METAP2: variants seen among roughly 807,000 people sequenced by gnomAD.
The protein encoded by METAP2 is methionine aminopeptidase 2.
In METAP2, 25 loss-of-function variants were observed where a neutral mutation model predicts 59.4. The observed-to-expected ratio is 0.42, with a 90% confidence interval of 0.31 to 0.59. The LOEUF is 0.59. METAP2 is among the 20% of genes least tolerant of loss of function. METAP2 has a pLI of 0.16. For synonymous variants in METAP2, 214 were observed against 194.1 expected (o/e 1.10, Z -0.85); for missense variants, 366 against 581.2 (o/e 0.63, Z 3.81).
chr12:95,494,942 G>C lies in METAP2; in HGVS notation c.591-15G>C, dbSNP rs1466103538. On this transcript the variant is annotated splice_polypyrimidine_tract_variant and intron_variant, in intron 5 of 10. Transcript: ENST00000323666. The stretch of plus-strand genomic sequence containing the variant: ...ATGTAAAAGTAAACAAGTTCCCTTT[G>C]CTTTTTTGTTTTAGTGAAAAGTTGG... The C allele has an allele frequency of 6.2e-7, 1 of 1,602,316 alleles. No individual in the cohort carries two copies. The highest frequency in any genetic ancestry group is 2.2e-5 in the East Asian group (1 of 44,758).
chr12:95,485,892 A>G lies in METAP2; in HGVS notation c.339A>G (p.Thr113=). The G allele has an allele frequency of 6.4e-7, 1 of 1,565,320 alleles. No homozygotes were observed. The highest frequency in any genetic ancestry group is 1.4e-5 in the African/African-American group (1 of 72,162). Reference sequence around the variant, plus strand: ...TGTATCTCACAGCAAAAGTTCAAACAGACCCTCCCTCAGTTCCAATATGTG... The same window carrying G: ...TGTATCTCACAGCAAAAGTTCAAACGGACCCTCCCTCAGTTCCAATATGTG... ...KKKKRGPKVQ[T]DPPSVPICDL... is the part of the protein sequence containing the mutation. Residue 113 remains threonine, a synonymous_variant, in exon 4 of 11, where the codon ACA becomes ACG. Transcript: ENST00000323666.
chr12:95,483,243 T>C lies in METAP2; in HGVS notation c.288T>C (p.Thr96=), dbSNP rs776986981. The change falls in exon 3 of 11, where the codon ACT becomes ACC. Residue 96 remains threonine, a synonymous_variant. Coordinates refer to ENST00000323666, the MANE Select transcript of METAP2 (RefSeq NM_006838.4). ...EDGDGDGDGA[T]GKKKKKKKKK... is the part of the protein sequence containing the mutation. ...GAGATGGCGATGGAGATGGAGCAACTGGAAAGAAGAAGAAAAAGAAGAAGA... is the reference window on the plus strand; with the variant it reads ...GAGATGGCGATGGAGATGGAGCAACCGGAAAGAAGAAGAAAAAGAAGAAGA... The C allele has an allele frequency of 1.9e-6, 3 of 1,613,014 alleles. No homozygotes were observed. Among genetic ancestry groups the C allele is most frequent in the Non-Finnish European group, 2.5e-6 (3 of 1,179,072 alleles).
At position 95,495,120 on chromosome 12, in the gene METAP2, T is replaced by C; in HGVS notation, c.754T>C (p.Phe252Leu). Residue 252 changes from phenylalanine to leucine, a missense_variant, in exon 6 of 11, where the codon TTT becomes CTT. Transcript: ENST00000323666. ...LQYDDICKID[F>L]GTHISGRIID... is the part of the protein sequence containing the mutation. ...GTATGATGACATCTGTAAAATAGACTTTGGAACACATATAAGTGGTAAATT... is the reference window on the plus strand; with the variant it reads ...GTATGATGACATCTGTAAAATAGACCTTGGAACACATATAAGTGGTAAATT... The C allele has an allele frequency of 6.2e-7, 1 of 1,611,960 alleles. No homozygotes were observed. The highest frequency in any genetic ancestry group is 8.5e-7 in the Non-Finnish European group (1 of 1,178,714).
intron 2 of METAP2, among the ~76,000 whole-genome samples, chr12:95,478,649 TAAAG>T (rs748826491): frequency 6.6e-6 from 1 of 151,516 alleles, no homozygotes; most frequent in Non-Finnish European, 1.5e-5. Context: ...TAAGAAAAAA[TAAAG>T]AAAACTAAGG....
chr12:95,478,128 C>G (rs1201081334), intron 2 of METAP2, among the ~76,000 whole-genome samples: 1 of 151,880 alleles, frequency 6.6e-6, no homozygotes, highest in Non-Finnish European at 1.5e-5. Context: ...CCCCCACCCC[C>G]CAAAAAAAAT....
At chr12:95,510,895 T>C (rs1430214801) in intron 8 of METAP2, among the ~76,000 whole-genome samples, 2 of 152,234 alleles carry the variant, frequency 1.3e-5, no homozygotes, top group Non-Finnish European at 2.9e-5. Context: ...ATATGTGGAA[T>C]TGTACAGTAT....
chr12:95,476,368 C>T (rs181666729), intron 2 of METAP2, among the ~76,000 whole-genome samples, 190 bp downstream of exon 2: 7 of 151,882 alleles, frequency 4.6e-5, no homozygotes, highest in Non-Finnish European at 5.9e-5. Flanking sequence ...AAAATTTAGC[C>T]GGGTGTGGTA....
chr12:95,510,051 G>A (rs1408482809), intron 8 of METAP2, among the ~76,000 whole-genome samples: 1 of 152,090 alleles, frequency 6.6e-6, no homozygotes, highest in East Asian at 1.9e-4. Context: ...TGGCCAGACT[G>A]GTCTTGAACT....
chr12:95,497,796 T>C (rs932424170), intron 7 of METAP2, among the ~76,000 whole-genome samples: 10 of 152,104 alleles, frequency 6.6e-5, no homozygotes, highest in African/African-American at 2.4e-4. Context: ...AAATGTCTAT[T>C]CAAGTTTTTT....
intron 4 of METAP2, among the ~76,000 whole-genome samples, chr12:95,488,788 G>A (rs559146286): frequency 6.6e-6 from 1 of 152,114 alleles, no homozygotes; most frequent in Admixed American, 6.6e-5. Context: ...CTGCTCCACT[G>A]ATCTGTTTCT....
chr12:95,476,514 A>AAAAG (rs373561404), intron 2 of METAP2, among the ~76,000 whole-genome samples: 3,100 of 140,968 alleles, frequency 0.022, 208 homozygotes, highest in Admixed American at 0.13. Context: ...TGTCTCAAAA[A>AAAAG]AAAGAAAGAA....
intron 4 of METAP2, among the ~76,000 whole-genome samples, chr12:95,492,421 AGTT>A (rs1199522621): frequency 1.3e-5 from 2 of 152,000 alleles, no homozygotes; most frequent in Non-Finnish European, 2.9e-5. Context: ...ACTTATAAGG[AGTT>A]TTGGGGGAGT....
rs1190056459 is a variant in METAP2, at chr12:95,513,814, C to T, written c.1347C>T (p.Asp449=). 6 of 1,614,022 alleles carry T rather than the reference C, an allele frequency of 3.7e-6. No individual in the cohort carries two copies. In the Admixed American group the frequency reaches 8.3e-5, roughly 22 times the overall value. Residue 449 remains aspartate (D), a synonymous_variant, in exon 11 of 11, where the codon GAC becomes GAT. Coordinates refer to ENST00000323666, the MANE Select transcript of METAP2 (RefSeq NM_006838.4). ...TAGATCCATATCCACCATTATGTGA[C>T]ATTAAAGGATCATATACAGCGCAAT... ...GIVDPYPPLC[D]IKGSYTAQFE...
chr12:95,512,648 G>A (rs2076411804), intron 9 of METAP2, among the ~76,000 whole-genome samples, 153 bp from the exon 10 acceptor site: 1 of 152,134 alleles, frequency 6.6e-6, no homozygotes, highest in African/African-American at 2.4e-5. Flanking sequence ...GAAAGTGGAG[G>A]TTGCAGTGAG....
At chr12:95,480,522 A>G (rs2076151011) in intron 2 of METAP2, among the ~76,000 whole-genome samples, 1 of 152,180 alleles carries the variant, frequency 6.6e-6, no homozygotes, top group African/African-American at 2.4e-5. Context: ...TATCCTTGTA[A>G]GGACTTGGTA....
intron 3 of METAP2, among the ~76,000 whole-genome samples, chr12:95,485,419 ATGAT>A (rs151292116): frequency 6.6e-6 from 1 of 152,292 alleles, no homozygotes; most frequent in African/African-American, 2.4e-5. Context: ...TCAGAAAACC[ATGAT>A]TGATTATGTA....
intron 7 of METAP2, among the ~76,000 whole-genome samples, chr12:95,502,551 T>TG (rs1434026351): frequency 1.4e-3 from 210 of 151,966 alleles, no homozygotes; most frequent in African/African-American, 4.1e-3. Flanking sequence ...TGTGTGTGTG[T>TG]GTGGGGGGGT....
At chr12:95,480,352 C>CTT (rs1183054550) in intron 2 of METAP2, among the ~76,000 whole-genome samples, 3 of 152,148 alleles carry the variant, frequency 2.0e-5, no homozygotes, top group African/African-American at 7.2e-5. Flanking sequence ...GCATATGGGT[C>CTT]TATGTGTAGA....
In METAP2 at chr12:95,508,882, A is replaced by G. The variant is rs138949684; in HGVS notation, c.965-3013A>G. Among the ~76,000 whole-genome samples, 481 of 152,156 alleles carry G rather than the reference A, an allele frequency of 3.2e-3. 3 individuals carry two copies. Among genetic ancestry groups the G allele is most frequent in the Non-Finnish European group, 5.4e-3 (369 of 68,000 alleles). ...TCTTTTGATCCCTGTTATTTTATTG[A>G]TCAGTGTTCTTAGTTTAAGGCAACA... On this transcript the variant is annotated intron_variant, in intron 8 of 10. Transcript: ENST00000323666.
Sources: allele counts gnomAD v4.1 joint callset (sites outside exome capture counted in the v4.1 genomes callset), GRCh38; gene constraint gnomAD v4.1.1; transcripts MANE v1.5; gene names NCBI Gene and HGNC (gene_info 2026-07-23, HGNC 2026-07-21).